The following MCM6 variants were observed in gnomAD, a reference collection of about 807,000 sequenced individuals.
MCM6 encodes the protein DNA replication licensing factor MCM6.
In MCM6, 46 loss-of-function variants were observed where a neutral mutation model predicts 94.3. The ratio of observed to expected loss-of-function variants is 0.49; its 90% CI spans 0.39 to 0.62. The LOEUF is 0.62. MCM6 is among the 20% of genes least tolerant of loss of function. The pLI, the probability that MCM6 is intolerant of heterozygous loss-of-function variation, is 0.00. For missense variants in MCM6, 865 were observed against 1,017.9 expected (o/e 0.85, Z 2.04); for synonymous variants, 335 against 351.9 (o/e 0.95, Z 0.54).
chr2:135,853,226 A>G (rs1385291061), intron 11 of MCM6, among the ~76,000 whole-genome samples: 1 of 152,180 alleles, frequency 6.6e-6, no homozygotes, highest in Non-Finnish European at 1.5e-5. Context: ...GTGAGAGAAG[A>G]GCTTGAGGTC....
At chr2:135,858,895 T>TC (rs397747913) in intron 9 of MCM6, among the ~76,000 whole-genome samples, 1 of 151,752 alleles carries the variant, frequency 6.6e-6, no homozygotes, top group East Asian at 1.9e-4. Context: ...GGGTTTTTTT[T>TC]GTTTTGGTTT....
intron 1 of MCM6, 101 bp downstream of exon 1, chr2:135,876,158 G>T: frequency 2.2e-6 from 2 of 892,154 alleles, no homozygotes; most frequent in South Asian, 2.3e-5. Flanking sequence ...CCGGACGCGC[G>T]ACCCCCAGGT....
rs561138157 is a variant in MCM6 at position 135,845,503 on chromosome 2, C to T, written c.2209+734G>A. Among the ~76,000 whole-genome samples, 3 of 152,304 alleles carry T rather than the reference C, an allele frequency of 2.0e-5. 1 individual carries two copies. Among genetic ancestry groups the T allele is most frequent in the African/African-American group, 4.8e-5 (2 of 41,564 alleles). Reference sequence around the variant, plus strand: ...TTCTCTCCTACTGGTCTAAAGTTCCCAGGGGAACAAGGGCAGAAACTACAA... The same window carrying T: ...TTCTCTCCTACTGGTCTAAAGTTCCTAGGGGAACAAGGGCAGAAACTACAA... On this transcript the variant is annotated intron_variant, in intron 15 of 16. Transcript: ENST00000264156.
At chr2:135,859,145 C>T (rs986189054) in intron 9 of MCM6, among the ~76,000 whole-genome samples, 156 bp downstream of exon 9, 4 of 152,130 alleles carry the variant, frequency 2.6e-5, no homozygotes, top group African/African-American at 7.2e-5. Context: ...CCACCCACCT[C>T]GGCTTCCCAA....
Position 135,876,245 on chromosome 2 carries a change from G to A in MCM6, c.107+14C>T, listed in dbSNP as rs913695500. ...TCCGGAGGCGGGCGAGGCCCGGGGC[G>A]CTCGCCGACTTACTCCTCCAAGAAG... On this transcript the variant is annotated intron_variant, in intron 1 of 16. Coordinates refer to ENST00000264156, the MANE Select transcript of MCM6 (RefSeq NM_005915.6). The A allele has an allele frequency of 7.0e-6, 11 of 1,575,482 alleles. No homozygotes were observed. The highest frequency in any genetic ancestry group is 1.8e-5 in the Admixed American group (1 of 55,930).
intron 12 of MCM6, 98 bp downstream of exon 12, chr2:135,852,685 AAGGT>A: frequency 1.2e-6 from 1 of 854,338 alleles, no homozygotes; most frequent in Non-Finnish European, 1.6e-6. Flanking sequence ...TTTAGGAACT[AAGGT>A]AGATGACAGG....
rs1679856391 is a variant in MCM6, at chr2:135,855,526, C to T, written c.1626+1202G>A. On this transcript the variant is annotated intron_variant, in intron 11 of 16. Transcript: ENST00000264156. Reference sequence around the variant, plus strand: ...CAAAAGGATGAAAAAATTAACCAGGCATGGTGGTACAGAGCTGTAGTCTCA... The same window carrying T: ...CAAAAGGATGAAAAAATTAACCAGGTATGGTGGTACAGAGCTGTAGTCTCA... Among the ~76,000 whole-genome samples the T allele has an allele frequency of 2.6e-5, 4 of 152,070 alleles. No individual in the cohort carries two copies. In the South Asian group the frequency reaches 6.2e-4, roughly 24 times the overall value.
chr2:135,874,245 T>C (rs1353251895), intron 1 of MCM6, among the ~76,000 whole-genome samples: 1 of 152,196 alleles, frequency 6.6e-6, no homozygotes, highest in Non-Finnish European at 1.5e-5. Flanking sequence ...GGGTTGAGGA[T>C]GGAATTTGAA....
Position 135,859,333 on chromosome 2 carries a change from T to C in MCM6, c.1330A>G (p.Ile444Val), listed in dbSNP as rs1679946239. The change falls in exon 9 of 17, where the codon ATT (isoleucine) becomes GTT (valine). Residue 444 changes from isoleucine to valine, a missense_variant. Coordinates refer to ENST00000264156, the MANE Select transcript of MCM6 (RefSeq NM_005915.6). ...GCCAACATCAAAGCTCCAGCCTCAA[T>C]GACAAACTCATGAGATTCTTCATCT... ...VRDEESHEFV[I>V]EAGALMLADN... 1 of 1,613,902 alleles carries C rather than the reference T, an allele frequency of 6.2e-7. No individual in the cohort carries two copies. Among genetic ancestry groups the C allele is most frequent in the Non-Finnish European group, 8.5e-7 (1 of 1,179,826 alleles).
Position 135,870,254 on chromosome 2 carries a change from T to C in MCM6, c.362A>G (p.His121Arg). The C allele has an allele frequency of 1.2e-6, 2 of 1,609,266 alleles. No individual in the cohort carries two copies. Among genetic ancestry groups the C allele is most frequent in the Non-Finnish European group, 1.7e-6 (2 of 1,175,538 alleles). Reference protein sequence around the residue: ...YVAFQDLPTRHKIRELTSSRI... With the variant: ...YVAFQDLPTRRKIRELTSSRI... ...TTTCCAGAGAAGGGTTTCTTACTTG[T>C]GTCTGGTAGGCAGGTCTTGGAATGC... Residue 121 changes from histidine (H) to arginine (R), a missense_variant, in exon 3 of 17, where the codon CAC (histidine) becomes CGC (arginine). Around this residue, in one of 3 missense-constraint regions of MCM6, gnomAD observed 404 missense variants for 451.9 expected, o/e 0.89. Coordinates refer to ENST00000264156, the MANE Select transcript of MCM6 (RefSeq NM_005915.6).
intron 6 of MCM6, 86 bp downstream of exon 6, chr2:135,866,046 G>A (rs1680088672): frequency 4.1e-6 from 6 of 1,460,012 alleles, no homozygotes; most frequent in Admixed American, 2.0e-5. Context: ...AGGCTACAGT[G>A]AGCCATGACT....
intron 7 of MCM6, 58 bp downstream of exon 7, chr2:135,864,955 C>T: frequency 1.6e-6 from 2 of 1,250,352 alleles, no homozygotes; most frequent in Non-Finnish European, 2.1e-6. Flanking sequence ...TCACCTGTGG[C>T]TGTTTATAAT....
chr2:135,844,619 C>T lies in MCM6; in HGVS notation c.2275G>A (p.Glu759Lys). 1 of 1,588,894 alleles carries T rather than the reference C, an allele frequency of 6.3e-7. No individual in the cohort carries two copies. The change falls in exon 16 of 17, where the codon GAG becomes AAG. Residue 759 changes from glutamate (E) to lysine (K), a missense_variant. This residue lies in a region of MCM6 where 308 missense variants were observed against 324.5 expected (regional missense o/e 0.95). Transcript: ENST00000264156. ...VNWYLKEIESEIDSEEELINK... is the reference protein window; with the variant it reads ...VNWYLKEIESKIDSEEELINK... ...ATAAGTTCTTCTTCAGAGTCTATCT[C>T]TGATTCGATTTCCTTCAAGTACCAG...
At chr2:135,842,107 GATAA>G (rs111345267) in intron 16 of MCM6, among the ~76,000 whole-genome samples, 11,144 of 151,458 alleles carry the variant, frequency 0.074, 1,358 homozygotes, top group African/African-American at 0.26. Flanking sequence ...TCTCTCAAAA[GATAA>G]ATAAATAAAT....
In MCM6 at chr2:135,844,564, A is replaced by C; in HGVS notation, c.2330T>G (p.Ile777Ser). 6.4e-7 allele frequency: 1 copy of C among 1,574,414 alleles called. No individual in the cohort carries two copies. The highest frequency in any genetic ancestry group is 8.6e-7 in the Non-Finnish European group (1 of 1,162,822). The change falls in exon 16 of 17, where the codon ATT (isoleucine) becomes AGT (serine). Residue 777 changes from isoleucine to serine, a missense_variant. Around this residue, in one of 3 missense-constraint regions of MCM6, gnomAD observed 308 missense variants for 324.5 expected, o/e 0.95. Coordinates refer to ENST00000264156, the MANE Select transcript of MCM6 (RefSeq NM_005915.6). The part of the protein sequence containing the change: ...INKKRIIEKV[I>S]HRLTHYDHVL... ...ACCTACATAGTGTGTGAGTCGATGA[A>C]TAACTTTCTCTATGATTCTTTTTTT...
intron 16 of MCM6, among the ~76,000 whole-genome samples, chr2:135,843,730 CA>C (rs55634938): frequency 0.75 from 68,180 of 90,968 alleles, 24,516 homozygotes; most frequent in Middle Eastern, 0.88. Context: ...AACTCTGTCT[CA>C]AAAAAAAAAA....
chr2:135,862,536 T>G, intron 8 of MCM6, 71 bp downstream of exon 8: 1 of 1,556,592 alleles, frequency 6.4e-7, no homozygotes, highest in South Asian at 1.1e-5. Context: ...CTGACTGCAT[T>G]CTTGGTAGCA....
chr2:135,854,554 GAAAAAGAAAA>G (rs1558757637), intron 11 of MCM6, among the ~76,000 whole-genome samples: 47 of 75,634 alleles, frequency 6.2e-4, no homozygotes, highest in Admixed American at 9.7e-4. Flanking sequence ...AAAAAAAAGA[GAAAAAGAAAA>G]AGAAAAAGAA....
At chr2:135,845,869 T>C (rs1364632970) in intron 15 of MCM6, among the ~76,000 whole-genome samples, 1 of 152,248 alleles carries the variant, frequency 6.6e-6, no homozygotes, top group African/African-American at 2.4e-5. Context: ...AATTAATTAC[T>C]GTTAAAATAT....
Sources: allele counts gnomAD v4.1 joint callset (sites outside exome capture counted in the v4.1 genomes callset), GRCh38; gene constraint gnomAD v4.1.1; regional missense constraint gnomAD v4.1.1; transcripts MANE v1.5; gene names NCBI Gene and HGNC (gene_info 2026-07-23, HGNC 2026-07-21).